Variants in PLXND1 observed in about 807,000 individuals in gnomAD.
PLXND1 encodes plexin D1, also known as plexin-D1.
In PLXND1, 54 loss-of-function variants were observed where a neutral mutation model predicts 197.7. The observed-to-expected ratio is 0.27, with a 90% confidence interval of 0.22 to 0.34. PLXND1 has a LOEUF of 0.34. Among genes scored for constraint, PLXND1 ranks in the 10% least tolerant of loss-of-function variants. The probability of loss-of-function intolerance (pLI) is 1.00; values close to 1 mark genes in which losing one functional copy is unlikely to be tolerated. For synonymous variants in PLXND1, 1,180 were observed against 1,161.2 expected (o/e 1.02, Z -0.33); for missense variants, 2,127 against 2,699.2 (o/e 0.79, Z 4.70).
rs752532949 is a variant in PLXND1, at chr3:129,605,325, G to T, written c.1311+4C>A. The T allele has an allele frequency of 1.0e-5, 14 of 1,388,136 alleles. 1 individual carries two copies. In the South Asian group the frequency reaches 2.1e-4, roughly 21 times the overall value. 86.0% of individuals were successfully genotyped at this position (1,388,136 alleles called of 1,614,324 possible). On this transcript the variant is annotated splice_donor_region_variant and intron_variant, in intron 1 of 35. Transcript: ENST00000324093. ...CCGCCGCCGCCGCCACCGCCCGGGT[G>T]TACCTGGATGTTGAGCTTGCGCTCA... is the stretch of plus-strand genomic sequence containing the variant.
rs199510990 is a variant in PLXND1 at position 129,575,508 on chromosome 3, G to A, written c.2491C>T (p.Arg831Trp). 21 of 1,556,220 alleles carry A rather than the reference G, an allele frequency of 1.3e-5. No individual in the cohort carries two copies. Among genetic ancestry groups the A allele is most frequent in the Admixed American group, 3.9e-5 (2 of 51,654 alleles). Residue 831 changes from arginine to tryptophan, a missense_variant, in exon 11 of 36, where the codon CGG becomes TGG. Around this residue, in one of 6 missense-constraint regions of PLXND1, gnomAD observed 1,095 missense variants for 1,259.8 expected, o/e 0.87. Transcript: ENST00000324093. ...GGGCTGTCCAGGAATCGGGCTGGCCGCCCCTTTAGTTGGAGGCTGAGCGGG... is the reference window on the plus strand; with the variant it reads ...GGGCTGTCCAGGAATCGGGCTGGCCACCCCTTTAGTTGGAGGCTGAGCGGG... Reference protein sequence around the residue: ...VFPLSLQLKGRPARFLDSPEP... With the variant: ...VFPLSLQLKGWPARFLDSPEP...
chr3:129,589,620 G>C (rs1228797778), intron 1 of PLXND1, 93 bp from the exon 2 acceptor site: 1 of 1,104,008 alleles, frequency 9.1e-7, no homozygotes, highest in Non-Finnish European at 1.3e-6. Context: ...CCTGGCATCA[G>C]AGCTTTCAAG....
intron 25 of PLXND1, 77 bp from the exon 26 acceptor site, chr3:129,563,317 G>A (rs1244966660): frequency 4.8e-6 from 6 of 1,247,518 alleles, no homozygotes; most frequent in African/African-American, 1.5e-5. Context: ...ACACCTTCAC[G>A]CCCCCGTCCC....
Position 129,573,765 on chromosome 3 carries a change from AG to A in PLXND1, c.2686-21del. ...CTCAATCTGCCAGGTGACCCGAGAG[AG>A]GGGCGAATGGGATCTGAGGCTGCAG... On this transcript the variant is annotated intron_variant, in intron 12 of 35. Transcript: ENST00000324093. 6.2e-7 allele frequency: 1 copy of A among 1,610,298 alleles called. No individual in the cohort carries two copies. The highest frequency in any genetic ancestry group is 8.5e-7 in the Non-Finnish European group (1 of 1,178,846).
chr3:129,583,451 G>T, intron 8 of PLXND1, 116 bp downstream of exon 8: 1 of 680,594 alleles, frequency 1.5e-6, no homozygotes, highest in Non-Finnish European at 2.6e-6. Flanking sequence ...CCATATAGCT[G>T]TCAAAGCCAA....
intron 19 of PLXND1, 43 bp downstream of exon 19, chr3:129,570,743 G>A: frequency 6.3e-7 from 1 of 1,599,996 alleles, no homozygotes; most frequent in Non-Finnish European, 8.6e-7. Flanking sequence ...ATGGGCCAGG[G>A]GTGGGGCCAG....
Position 129,574,340 on chromosome 3 carries a change from T to G in PLXND1, c.2681A>C (p.His894Pro). The G allele has an allele frequency of 6.2e-7, 1 of 1,601,410 alleles. No homozygotes were observed. The highest frequency in any genetic ancestry group is 8.5e-7 in the Non-Finnish European group (1 of 1,174,712). ...GCCTCCACTGGGCATGCTTACCGCG[T>G]GGATCTCGGGGGCGGGGCAGGTGCC... ...MAGTCPAPEI[H>P]AIEPLSGPLD... The change falls in exon 12 of 36, where the codon CAC becomes CCC. Residue 894 changes from histidine (H) to proline (P), a missense_variant. Physicochemically the swap from His to Pro is moderately conservative, Grantham distance 77. This residue lies in a region of PLXND1 where 1,095 missense variants were observed against 1,259.8 expected (regional missense o/e 0.87). Coordinates refer to ENST00000324093, the MANE Select transcript of PLXND1 (RefSeq NM_015103.3).
chr3:129,563,338 C>CA (rs2085090893), intron 25 of PLXND1, 98 bp from the exon 26 acceptor site: 2 of 979,132 alleles, frequency 2.0e-6, no homozygotes, highest in Non-Finnish European at 1.5e-6. Flanking sequence ...CCAACCCCTC[C>CA]AACAGTCTCC....
At chr3:129,559,899 T>A (rs1170824755) in intron 31 of PLXND1, 116 bp from the exon 32 acceptor site, 5 of 912,754 alleles carry the variant, frequency 5.5e-6, no homozygotes, top group Non-Finnish European at 6.4e-6. Flanking sequence ...GGAAGCCACA[T>A]GGCATCAGGC....
At chr3:129,599,484 C>T (rs557007394) in intron 1 of PLXND1, among the ~76,000 whole-genome samples, 10 of 152,346 alleles carry the variant, frequency 6.6e-5, no homozygotes, top group East Asian at 3.9e-4. Flanking sequence ...TCACTGTGGG[C>T]GTATCCAGGG....
chr3:129,560,084 G>A (rs1474115817), intron 31 of PLXND1, among the ~76,000 whole-genome samples: 3 of 152,236 alleles, frequency 2.0e-5, no homozygotes, highest in East Asian at 3.8e-4. Flanking sequence ...GGCCTCTGCT[G>A]TACCCTGTTA....
chr3:129,584,659 A>G, intron 5 of PLXND1, 97 bp from the exon 6 acceptor site: 1 of 1,180,816 alleles, frequency 8.5e-7, no homozygotes, highest in Non-Finnish European at 1.2e-6. Context: ...CACTGCCTGA[A>G]TGTCCCCTGG....
At chr3:129,584,102 G>A (rs1158142013) in intron 7 of PLXND1, 23 bp downstream of exon 7, 3 of 1,499,288 alleles carry the variant, frequency 2.0e-6, no homozygotes, top group African/African-American at 1.4e-5. Flanking sequence ...ACCAACTGGA[G>A]GCAAGCCACC....
intron 10 of PLXND1, 40 bp from the exon 11 acceptor site, chr3:129,575,602 T>C: frequency 1.4e-6 from 2 of 1,446,508 alleles, no homozygotes; most frequent in East Asian, 2.5e-5. Flanking sequence ...GCATGGGCAA[T>C]GCCTGGGGCT....
intron 1 of PLXND1, among the ~76,000 whole-genome samples, chr3:129,601,555 G>A (rs907745855): frequency 6.6e-6 from 1 of 152,156 alleles, no homozygotes; most frequent in Non-Finnish European, 1.5e-5. Flanking sequence ...TGCCCCATGT[G>A]CAGCCCCACC....
At chr3:129,569,753 CCTGCCTTCTCCCAT>C (rs1290115928) in intron 20 of PLXND1, 76 bp downstream of exon 20, 20 of 749,510 alleles carry the variant, frequency 2.7e-5, no homozygotes, top group Non-Finnish European at 3.8e-5. Flanking sequence ...CCCATCCCAT[CCTGCCTTCTCCCAT>C]CTGCCAATCT....
At chr3:129,598,293 C>T (rs1197249728) in intron 1 of PLXND1, among the ~76,000 whole-genome samples, 3 of 152,176 alleles carry the variant, frequency 2.0e-5, no homozygotes, top group African/African-American at 7.2e-5. Flanking sequence ...CCGCACTCCT[C>T]TGATGAGCTG....
At chr3:129,588,363 T>C (rs1002746135) in intron 2 of PLXND1, among the ~76,000 whole-genome samples, 8 of 130,670 alleles carry the variant, frequency 6.1e-5, no homozygotes, top group African/African-American at 2.4e-4. Context: ...GTGTCGGGGG[T>C]GGGGGAGGGG....
Position 129,570,823 on chromosome 3 carries a change from T to C in PLXND1, c.3713A>G (p.Glu1238Gly), listed in dbSNP as rs1253904861. ...SDRIIHCSVN[E>G]SLGAAVGQLP... The stretch of plus-strand genomic sequence containing the variant: ...CTGCCCCACGGCCGCGCCCAGGGAC[T>C]CGTTGACCGAGCAGTGGATGATTCT... The change falls in exon 19 of 36, where the codon GAG becomes GGG. Residue 1238 changes from glutamate to glycine, a missense_variant. Around this residue, in one of 6 missense-constraint regions of PLXND1, gnomAD observed 532 missense variants for 811.0 expected, o/e 0.66. Transcript: ENST00000324093. 3 of 1,614,086 alleles carry C rather than the reference T, an allele frequency of 1.9e-6. No individual in the cohort carries two copies. The highest frequency in any genetic ancestry group is 2.5e-6 in the Non-Finnish European group (3 of 1,180,028).
Sources: gnomAD v4.1 joint callset for allele counts (sites outside exome capture counted in the v4.1 genomes callset) on GRCh38, gnomAD v4.1.1 for gene constraint, gnomAD v4.1.1 regional missense constraint, MANE v1.5 for transcripts, NCBI Gene and HGNC (gene_info 2026-07-23, HGNC 2026-07-21) for gene names.